Variants in PBX1 observed in about 807,000 individuals in gnomAD.
PBX1 encodes the protein PBX homeobox 1, also known as pre-B-cell leukemia transcription factor 1.
A neutral mutation model predicts 53.4 loss-of-function variants in PBX1; 6 were observed. The observed-to-expected ratio is 0.11, with a 90% confidence interval of 0.06 to 0.22. PBX1 has a LOEUF of 0.22. PBX1 is among the 10% of genes least tolerant of loss of function. The pLI, the probability that PBX1 is intolerant of heterozygous loss-of-function variation, is 1.00. For synonymous variants in PBX1, 204 were observed against 212.3 expected, an observed-to-expected ratio of 0.96 and a Z score of 0.34; for missense variants, 251 against 551.4, an observed-to-expected ratio of 0.46 and a Z score of 5.46.
intron 2 of PBX1, among the ~76,000 whole-genome samples, chr1:164,610,512 G>A (rs35896229): frequency 0.065 from 9,824 of 152,180 alleles, 851 homozygotes; most frequent in East Asian, 0.4. Flanking sequence ...AAGCCAGGAA[G>A]GCACTGGGGG....
At position 164,571,049 on chromosome 1, in the gene PBX1, T is replaced by G. The variant is rs145585658; in HGVS notation, c.265+7738T>G. Among the ~76,000 whole-genome samples, 63 of 152,360 alleles carry G rather than the reference T, an allele frequency of 4.1e-4. 1 individual carries two copies. The highest frequency in any genetic ancestry group is 3.4e-3 in the Middle Eastern group (1 of 294). ...TTCATATCCTTCACCCACTGTTTGA[T>G]AGAAGACAACCTGACCTTTTCTTGC... On this transcript the variant is annotated intron_variant, in intron 2 of 8. Transcript: ENST00000420696.
intron 2 of PBX1, among the ~76,000 whole-genome samples, chr1:164,572,465 T>G (rs1438942621): frequency 1.3e-5 from 2 of 152,200 alleles, no homozygotes; most frequent in African/African-American, 2.4e-5. Flanking sequence ...ACTATTTGCA[T>G]TTTAAAGAGG....
chr1:164,581,587 A>C (rs1463495890), intron 2 of PBX1, among the ~76,000 whole-genome samples: 1 of 152,144 alleles, frequency 6.6e-6, no homozygotes, highest in Non-Finnish European at 1.5e-5. Flanking sequence ...TCCAAATTGC[A>C]GTGGTGGCCC....
intron 2 of PBX1, among the ~76,000 whole-genome samples, chr1:164,715,485 C>T (rs12062545): frequency 0.085 from 12,867 of 152,192 alleles, 723 homozygotes; most frequent in East Asian, 0.16. Flanking sequence ...CCCAAGAACC[C>T]TCCCCAGCAT....
chr1:164,666,952 C>A (rs1029439552), intron 2 of PBX1, among the ~76,000 whole-genome samples: 1 of 152,168 alleles, frequency 6.6e-6, no homozygotes, highest in Non-Finnish European at 1.5e-5. Context: ...TGTTATGGAA[C>A]CCTCTTTGTC....
intron 8 of PBX1, chr1:164,828,355 T>G (rs2102382531): frequency 6.6e-6 from 1 of 152,292 alleles, no homozygotes; most frequent in African/African-American, 2.4e-5. Context: ...AGGACTCAGT[T>G]TTCTGAATTC....
At chr1:164,695,398 G>T (rs188586857) in intron 2 of PBX1, among the ~76,000 whole-genome samples, 3 of 152,048 alleles carry the variant, frequency 2.0e-5, no homozygotes, top group Non-Finnish European at 4.4e-5. Flanking sequence ...AATATACTGA[G>T]TTACCTGTAA....
At chr1:164,671,952 A>C (rs1020957804) in intron 2 of PBX1, among the ~76,000 whole-genome samples, 1 of 151,924 alleles carries the variant, frequency 6.6e-6, no homozygotes, top group African/African-American at 2.4e-5. Context: ...AATTGAAGAG[A>C]GTCCACCGTG....
At chr1:164,650,487 A>C (rs1180744377) in intron 2 of PBX1, among the ~76,000 whole-genome samples, 1 of 152,008 alleles carries the variant, frequency 6.6e-6, no homozygotes, top group Non-Finnish European at 1.5e-5. Flanking sequence ...CAGACTCCCG[A>C]AGTGCTAGGG....
At chr1:164,658,810 A>G (rs1195938079) in intron 2 of PBX1, among the ~76,000 whole-genome samples, 2 of 152,200 alleles carry the variant, frequency 1.3e-5, no homozygotes, top group African/African-American at 2.4e-5. Flanking sequence ...CACTTTACAT[A>G]TGTTATCTGT....
chr1:164,659,030 C>T (rs971684299), intron 2 of PBX1, among the ~76,000 whole-genome samples: 1 of 152,124 alleles, frequency 6.6e-6, no homozygotes, highest in Admixed American at 6.6e-5. Context: ...GTGGCAATCC[C>T]ACATATTAAC....
chr1:164,806,025 T>C (rs966071593), intron 4 of PBX1, among the ~76,000 whole-genome samples: 4 of 152,196 alleles, frequency 2.6e-5, no homozygotes, highest in East Asian at 1.9e-4. Flanking sequence ...GTTGGCTAAA[T>C]TGGGAAATCC....
chr1:164,700,318 TG>T (rs1284994538), intron 2 of PBX1: 2 of 301,194 alleles, frequency 6.6e-6, no homozygotes, highest in Non-Finnish European at 9.8e-6. Context: ...GGGACTCCCG[TG>T]GCTGTGTGAG....
At chr1:164,770,381 A>C (rs1164588528) in intron 2 of PBX1, 1 of 152,136 alleles carries the variant, frequency 6.6e-6, no homozygotes, top group Admixed American at 6.5e-5. Flanking sequence ...AAATCTTCAT[A>C]ATCAGTGTCA....
intron 2 of PBX1, among the ~76,000 whole-genome samples, chr1:164,743,660 A>G (rs553933698): frequency 5.3e-5 from 8 of 152,332 alleles, no homozygotes; most frequent in Middle Eastern, 3.4e-3. Flanking sequence ...AAATTAAAAA[A>G]TGGTGGCTTA....
intron 3 of PBX1, among the ~76,000 whole-genome samples, chr1:164,793,209 G>A (rs1477701788): frequency 6.6e-6 from 1 of 152,144 alleles, no homozygotes; most frequent in Non-Finnish European, 1.5e-5. Context: ...CTATGGGAAA[G>A]GACTTAAAAC....
chr1:164,875,743 G>A (rs1438118729), intron 2 of PBX1, among the ~76,000 whole-genome samples: 2 of 152,018 alleles, frequency 1.3e-5, no homozygotes, highest in African/African-American at 4.8e-5. Flanking sequence ...TCTGAGCTGG[G>A]CAACCAGCCC....
intron 3 of PBX1, among the ~76,000 whole-genome samples, chr1:164,793,196 ATCC>A (rs1668608724): frequency 1.3e-5 from 2 of 152,086 alleles, no homozygotes; most frequent in African/African-American, 4.8e-5. Context: ...TGCTCATAGT[ATCC>A]TATGGGAAAG....
At position 164,590,045 on chromosome 1, in the gene PBX1, AAATAGT is replaced by A. The variant is rs111511053; in HGVS notation, c.265+26739_265+26744del. 9.0e-3 allele frequency among the ~76,000 whole-genome samples: 1,369 copies of A among 152,034 alleles called. 26 individuals are homozygous for A. Among genetic ancestry groups the A allele is most frequent in the African/African-American group, 0.031 (1,304 of 41,446 alleles). On this transcript the variant is annotated intron_variant, in intron 2 of 8. Coordinates refer to ENST00000420696, the MANE Select transcript of PBX1 (RefSeq NM_002585.4). ...CAACATAGTGAGATCCTGTTTCTAC[AAATAGT>A]AATAATAATAAGACATCCAGGTGTG...
Sources: gnomAD v4.1 joint callset for allele counts (sites outside exome capture counted in the v4.1 genomes callset) on GRCh38, gnomAD v4.1.1 for gene constraint, MANE v1.5 for transcripts, NCBI Gene and HGNC (gene_info 2026-07-23, HGNC 2026-07-21) for gene names.